The following PARD3B variants were observed in gnomAD, a reference collection of about 807,000 sequenced individuals.
PARD3B encodes the protein partitioning defective 3 homolog B.
Under a neutral mutation model 130.2 loss-of-function variants are expected in PARD3B, and 103 were observed. The observed-to-expected ratio is 0.79, with a 90% CI of 0.67 to 0.93. The LOEUF (loss-of-function observed/expected upper bound fraction) is 0.93. PARD3B is among the 40% of genes least tolerant of loss of function. The pLI is 0.00. For synonymous variants in PARD3B, 583 were observed against 553.2 expected (o/e 1.05, Z -0.76); for missense variants, 1,609 against 1,499.2 (o/e 1.07, Z -1.21).
At chr2:204,660,601 T>G (rs1033317260) in intron 1 of PARD3B, among the ~76,000 whole-genome samples, 1 of 152,170 alleles carries the variant, frequency 6.6e-6, no homozygotes, top group Non-Finnish European at 1.5e-5. Context: ...CAACATCTAG[T>G]TAAGCACTAA....
chr2:204,996,352 A>T (rs1420799964), intron 3 of PARD3B, among the ~76,000 whole-genome samples: 1 of 152,002 alleles, frequency 6.6e-6, no homozygotes, highest in Non-Finnish European at 1.5e-5. Flanking sequence ...GTGAGGTGTC[A>T]GTGTGCCCCT....
At chr2:205,468,063 T>G (rs2048693653) in intron 20 of PARD3B, among the ~76,000 whole-genome samples, 1 of 152,218 alleles carries the variant, frequency 6.6e-6, no homozygotes, top group Admixed American at 6.5e-5. Context: ...CTAGGTCTGC[T>G]TTCATCCCAG....
intron 21 of PARD3B, among the ~76,000 whole-genome samples, chr2:205,545,943 A>G (rs974910552): frequency 6.6e-6 from 1 of 152,210 alleles, no homozygotes; most frequent in Non-Finnish European, 1.5e-5. Flanking sequence ...TAGCAATGCC[A>G]GGCTAGAAAT....
intron 2 of PARD3B, among the ~76,000 whole-genome samples, chr2:204,934,963 T>C (rs1688301193): frequency 6.6e-6 from 1 of 152,134 alleles, no homozygotes; most frequent in African/African-American, 2.4e-5. Context: ...GACAATGAAG[T>C]ATAATTTGGT....
intron 2 of PARD3B, among the ~76,000 whole-genome samples, chr2:204,860,427 T>TG (rs1308421927): frequency 1.3e-5 from 2 of 152,194 alleles, no homozygotes; most frequent in Admixed American, 6.5e-5. Flanking sequence ...GCTTGGCAGA[T>TG]GGTACCGCAG....
intron 1 of PARD3B, among the ~76,000 whole-genome samples, chr2:204,578,841 C>T (rs753348050): frequency 9.9e-5 from 15 of 151,970 alleles, no homozygotes; most frequent in Non-Finnish European, 1.3e-4. Context: ...ATGTTTATTC[C>T]GTGAGAGAGG....
chr2:204,998,358 A>ACATATATATATATATATATATATATG (rs1694463623), intron 3 of PARD3B, among the ~76,000 whole-genome samples: 1 of 69,874 alleles, frequency 1.4e-5, no homozygotes, highest in Non-Finnish European at 2.6e-5. Context: ...ATATATATAT[A>ACATATATATATATATATATATATATG]TGTGTGTGTG....
At chr2:205,166,314 G>C (rs1391608128) in intron 11 of PARD3B, among the ~76,000 whole-genome samples, 1 of 152,178 alleles carries the variant, frequency 6.6e-6, no homozygotes, top group East Asian at 1.9e-4. Flanking sequence ...GAAGGCAATT[G>C]CAAGGCTTGC....
chr2:205,063,451 G>A (rs898587380), intron 4 of PARD3B, among the ~76,000 whole-genome samples: 4 of 152,042 alleles, frequency 2.6e-5, no homozygotes, highest in Non-Finnish European at 5.9e-5. Flanking sequence ...AAGGATGCAG[G>A]TAGAAAAATG....
intron 1 of PARD3B, among the ~76,000 whole-genome samples, chr2:204,679,911 A>ATTAT (rs2036742202): frequency 6.6e-6 from 1 of 151,998 alleles, no homozygotes; most frequent in African/African-American, 2.4e-5. Flanking sequence ...GTTATCATGT[A>ATTAT]TTATTCCTTA....
chr2:204,893,230 A>G (rs2046515409), intron 2 of PARD3B, among the ~76,000 whole-genome samples: 1 of 152,328 alleles, frequency 6.6e-6, no homozygotes, highest in East Asian at 1.9e-4. Flanking sequence ...ACTCTGAAAA[A>G]TGGTAATTTG....
chr2:204,653,405 C>T (rs1196814935), intron 1 of PARD3B, among the ~76,000 whole-genome samples: 1 of 150,856 alleles, frequency 6.6e-6, no homozygotes, highest in Non-Finnish European at 1.5e-5. Context: ...TTTTGATAAA[C>T]ACCTGTCAGA....
intron 18 of PARD3B, among the ~76,000 whole-genome samples, chr2:205,398,595 TA>T (rs1433475926): frequency 1.3e-5 from 2 of 152,112 alleles, no homozygotes; most frequent in Non-Finnish European, 2.9e-5. Context: ...GAAGACTTGC[TA>T]ATTGAAATAG....
chr2:204,735,052 G>T (rs1250757288), intron 2 of PARD3B, among the ~76,000 whole-genome samples: 1 of 151,944 alleles, frequency 6.6e-6, no homozygotes, highest in Non-Finnish European at 1.5e-5. Context: ...GAATTGGCAA[G>T]ATTTCATTTT....
At chr2:204,939,380 G>T (rs1688720977) in intron 2 of PARD3B, among the ~76,000 whole-genome samples, 1 of 152,166 alleles carries the variant, frequency 6.6e-6, no homozygotes, top group South Asian at 2.1e-4. Context: ...TTTCCAAGGG[G>T]AGGTGACATT....
At chr2:205,495,833 T>A (rs13419483) in intron 20 of PARD3B, among the ~76,000 whole-genome samples, 5,381 of 152,276 alleles carry the variant, frequency 0.035, 322 homozygotes, top group African/African-American at 0.12. Context: ...AGGAGCTTCA[T>A]ATTCTTCATC....
At chr2:205,342,358 A>G (rs1226938896) in intron 18 of PARD3B, among the ~76,000 whole-genome samples, 1 of 152,236 alleles carries the variant, frequency 6.6e-6, no homozygotes, top group Admixed American at 6.5e-5. Context: ...GATGTCTACT[A>G]GAGCAACACA....
intron 2 of PARD3B, among the ~76,000 whole-genome samples, chr2:204,855,552 A>AATATAT (rs1553540278): frequency 1.4e-5 from 2 of 143,136 alleles, no homozygotes; most frequent in Non-Finnish European, 3.0e-5. Context: ...AAGAAAAAAA[A>AATATAT]ATATATATAT....
intron 21 of PARD3B, among the ~76,000 whole-genome samples, chr2:205,518,259 CT>C (rs1412827154): frequency 6.6e-6 from 1 of 152,104 alleles, no homozygotes; most frequent in Non-Finnish European, 1.5e-5. Context: ...AATCTGGCTG[CT>C]ACTGTACTGG....
Sources: allele counts gnomAD v4.1 joint callset (sites outside exome capture counted in the v4.1 genomes callset), GRCh38; gene constraint gnomAD v4.1.1; transcripts MANE v1.5; gene names NCBI Gene and HGNC (gene_info 2026-07-23, HGNC 2026-07-21).